SLC38A6: variants seen among roughly 807,000 people sequenced by gnomAD.
SLC38A6 encodes the protein solute carrier family 38 member 6, also known as N system amino acid transporter NAT-1.
Under a neutral mutation model 65.0 loss-of-function variants are expected in SLC38A6, and 73 were observed. The observed-to-expected ratio is 1.12, with a 90% confidence interval of 0.93 to 1.37. The LOEUF (loss-of-function observed/expected upper bound fraction) is 1.37. Among genes scored for constraint, SLC38A6 ranks in the 40% most tolerant of loss-of-function variants. SLC38A6 has a pLI of 0.00. For synonymous variants in SLC38A6, 183 were observed against 178.8 expected (o/e 1.02, Z -0.19); for missense variants, 561 against 531.1 (o/e 1.06, Z -0.55).
chr14:61,048,007 A>G (rs1566706457), intron 12 of SLC38A6: 1 of 340,836 alleles, frequency 2.9e-6, no homozygotes, highest in South Asian at 2.4e-5. Flanking sequence ...ACATACATAC[A>G]TACATACATA....
At chr14:61,030,263 CTGTGTGTGTGTGTGTGTGTG>C (rs3080609) in intron 5 of SLC38A6, among the ~76,000 whole-genome samples, 162 bp from the exon 6 acceptor site, 1 of 148,728 alleles carries the variant, frequency 6.7e-6, no homozygotes, top group African/African-American at 2.5e-5. Context: ...AGTTACTTTT[CTGTGTGTGTGTGTGTGTGTG>C]TGTGTGTGTG....
At chr14:61,013,853 TTA>T (rs750099638) in intron 3 of SLC38A6, among the ~76,000 whole-genome samples, 3 of 152,202 alleles carry the variant, frequency 2.0e-5, no homozygotes, top group Non-Finnish European at 4.4e-5. Context: ...AATCTGACAA[TTA>T]TATGTTTTGG....
Position 60,994,636 on chromosome 14 carries a change from G to A in SLC38A6, c.310+9833G>A, listed in dbSNP as rs1357179317. 5.3e-5 allele frequency among the ~76,000 whole-genome samples: 8 copies of A among 151,908 alleles called. No homozygotes were observed. In the East Asian group the frequency reaches 7.7e-4, roughly 15 times the overall value. On this transcript the variant is annotated intron_variant, in intron 3 of 15. Transcript: ENST00000267488. ...GGAGAATCGCTTGAACCCCGGAGGC[G>A]GAGACTGCAGTGAGCTGAGATCATG...
At chr14:61,053,431 T>C (rs2042601524), downstream of SLC38A6, among the ~76,000 whole-genome samples, 1 of 152,150 alleles carries the variant, frequency 6.6e-6, no homozygotes, top group Admixed American at 6.5e-5. Context: ...GGATGAATGG[T>C]AGTTTTGCTT....
chr14:61,029,486 G>A (rs1400382991), intron 5 of SLC38A6, among the ~76,000 whole-genome samples: 1 of 152,062 alleles, frequency 6.6e-6, no homozygotes, highest in Non-Finnish European at 1.5e-5. Context: ...ATCTCTGGGA[G>A]GAAAGAGAAT....
At chr14:61,028,697 A>T (rs554877094) in intron 5 of SLC38A6, among the ~76,000 whole-genome samples, 1 of 152,306 alleles carries the variant, frequency 6.6e-6, no homozygotes, top group East Asian at 1.9e-4. Flanking sequence ...TACTTCTGCT[A>T]GGGAAAAAGA....
rs201162425 is a variant in SLC38A6 at position 61,019,547 on chromosome 14, G to C, written c.370G>C (p.Val124Leu). 8 of 1,613,002 alleles carry C rather than the reference G, an allele frequency of 5.0e-6. No homozygotes were observed. Among genetic ancestry groups the C allele is most frequent in the Non-Finnish European group, 6.8e-6 (8 of 1,179,430 alleles). The change falls in exon 5 of 16, where the codon GTG becomes CTG. Residue 124 changes from valine (V) to leucine (L), a missense_variant. By Grantham distance (32) the Val-to-Leu change is conservative. Transcript: ENST00000267488. ...FAFGLPGKLV[V>L]AGTIIIQNIG... ...TATTTCTGTTCTTTTACAGTTGGTG[G>C]TGGCAGGCACCATAATAATTCAGAA...
intron 15 of SLC38A6, among the ~76,000 whole-genome samples, chr14:61,065,427 A>G (rs1252420266): frequency 6.6e-6 from 1 of 152,224 alleles, no homozygotes; most frequent in Non-Finnish European, 1.5e-5. Context: ...CAGATGGGTT[A>G]TGAGCTAAGC....
At chr14:60,989,199 T>C (rs1220030270) in intron 3 of SLC38A6, among the ~76,000 whole-genome samples, 1 of 152,186 alleles carries the variant, frequency 6.6e-6, no homozygotes. Context: ...TTGGGATGAA[T>C]TCTTTGTGTT....
At chr14:61,049,527 G>A (rs1054521821) in intron 12 of SLC38A6, among the ~76,000 whole-genome samples, 17 of 152,112 alleles carry the variant, frequency 1.1e-4, no homozygotes, top group African/African-American at 4.1e-4. Flanking sequence ...AGTTACTGGT[G>A]GGGTTTGAAC....
Position 60,982,651 on chromosome 14 carries a change from AT to A in SLC38A6, c.236+17del. Reference sequence around the variant, plus strand: ...TCTTTGGATTTAGGTGAGTCTTCATATTTTAGCATCAAATTTTTTTTTCCAT... The same window carrying A: ...TCTTTGGATTTAGGTGAGTCTTCATATTTAGCATCAAATTTTTTTTTCCAT... On this transcript the variant is annotated intron_variant, in intron 2 of 15. Coordinates refer to ENST00000267488, the MANE Select transcript of SLC38A6 (RefSeq NM_153811.3). 1 of 1,591,246 alleles carries A rather than the reference AT, an allele frequency of 6.3e-7. No homozygotes were observed. Among genetic ancestry groups the A allele is most frequent in the Non-Finnish European group, 8.5e-7 (1 of 1,173,508 alleles).
At chr14:61,001,089 G>C (rs960683389) in intron 3 of SLC38A6, among the ~76,000 whole-genome samples, 1 of 152,134 alleles carries the variant, frequency 6.6e-6, no homozygotes, top group Admixed American at 6.5e-5. Flanking sequence ...ATTAATGAGT[G>C]GTTCTAAACT....
intron 6 of SLC38A6, among the ~76,000 whole-genome samples, chr14:61,034,567 T>C (rs2041222966): frequency 6.6e-6 from 1 of 152,174 alleles, no homozygotes. Context: ...ATTTCAGACA[T>C]AGAGCCCTGG....
intron 3 of SLC38A6, among the ~76,000 whole-genome samples, chr14:60,994,619 G>A (rs1056820496): frequency 6.6e-6 from 1 of 150,828 alleles, no homozygotes; most frequent in Admixed American, 6.6e-5. Context: ...CAGGAGAATC[G>A]CTTGAACCCC....
Position 61,051,809 on chromosome 14 carries a change from T to A in SLC38A6, c.1073T>A (p.Met358Lys). The A allele has an allele frequency of 6.2e-7, 1 of 1,612,346 alleles. No individual in the cohort carries two copies. Among genetic ancestry groups the A allele is most frequent in the Non-Finnish European group, 8.5e-7 (1 of 1,179,334 alleles). Reference protein sequence around the residue: ...HFPARKAVTMMFFSNFPFSWI... With the variant: ...HFPARKAVTMKFFSNFPFSWI... ...CAGGCCAGAAAAGCTGTAACAATGA[T>A]GTTTTTCTCCAATTTTCCATTCTCA... Residue 358 changes from methionine to lysine, a missense_variant, in exon 14 of 16, where the codon ATG becomes AAG. Transcript: ENST00000267488.
intron 15 of SLC38A6, among the ~76,000 whole-genome samples, chr14:61,077,184 A>G (rs1264332197): frequency 6.6e-6 from 1 of 152,220 alleles, no homozygotes; most frequent in South Asian, 2.1e-4. Flanking sequence ...CTACATAGTT[A>G]TTTATCTCAT....
chr14:61,025,214 A>C (rs930938614), intron 5 of SLC38A6, among the ~76,000 whole-genome samples: 1 of 152,198 alleles, frequency 6.6e-6, no homozygotes, highest in African/African-American at 2.4e-5. Context: ...TTCAATTGAG[A>C]ATTATAAAAA....
chr14:61,074,367 G>C (rs1594794035), intron 15 of SLC38A6, among the ~76,000 whole-genome samples: 3 of 152,248 alleles, frequency 2.0e-5, no homozygotes, highest in African/African-American at 7.2e-5. Flanking sequence ...ATTTCTCATA[G>C]CTCTGGAAGC....
At chr14:60,990,723 C>G (rs1439622318) in intron 3 of SLC38A6, among the ~76,000 whole-genome samples, 1 of 151,982 alleles carries the variant, frequency 6.6e-6, no homozygotes, top group African/African-American at 2.4e-5. Context: ...GCCTCGACCT[C>G]CTGCCTCAGC....
Sources: allele counts gnomAD v4.1 joint callset (sites outside exome capture counted in the v4.1 genomes callset), GRCh38; gene constraint gnomAD v4.1.1; transcripts MANE v1.5; gene names NCBI Gene and HGNC (gene_info 2026-07-23, HGNC 2026-07-21).